The following DOK4 variants were observed in gnomAD, a reference collection of about 807,000 sequenced individuals.
DOK4 encodes the protein downstream of tyrosine kinase 4.
In DOK4, 26 loss-of-function variants were observed where a neutral mutation model predicts 40.1. That is an observed-to-expected ratio of 0.65 (90% CI 0.48 to 0.90). The LOEUF (loss-of-function observed/expected upper bound fraction) is 0.90. Ranked by LOEUF, DOK4 falls within the 40% of genes least tolerant of loss-of-function variation. DOK4 has a pLI of 0.00. For synonymous variants in DOK4, 179 were observed against 177.0 expected (o/e 1.01, Z -0.09); for missense variants, 392 against 437.2 (o/e 0.90, Z 0.92).
exon 9 of DOK4, chr16:57,472,596 C>T (rs966466310): frequency 6.6e-6 from 1 of 152,654 alleles, no homozygotes; most frequent in Non-Finnish European, 1.5e-5. Flanking sequence ...TGCGGCCTTC[C>T]CTCCTGGCCT....
chr16:57,483,473 A>G (rs2146670354), intron 1 of DOK4, among the ~76,000 whole-genome samples: 1 of 152,188 alleles, frequency 6.6e-6, no homozygotes, highest in East Asian at 1.9e-4. Flanking sequence ...TCTACAAAAA[A>G]TGAAAAAATA....
chr16:57,475,303 C>T lies in DOK4; in HGVS notation c.290-84G>A. On this transcript the variant is annotated intron_variant, in intron 4 of 8. Transcript: ENST00000340099. ...CCAGCCTGACTTATGCCACCATGCA[C>T]AGCAGGGAGGGTAAGGACAGTGGGT... 5 of 1,560,472 alleles carry T rather than the reference C, an allele frequency of 3.2e-6. 1 individual carries two copies. Among genetic ancestry groups the T allele is most frequent in the East Asian group, 2.2e-5 (1 of 44,540 alleles).
chr16:57,474,044 G>A lies in DOK4; in HGVS notation c.600-5C>T. 1 of 1,613,972 alleles carries A rather than the reference G, an allele frequency of 6.2e-7. No homozygotes were observed. The highest frequency in any genetic ancestry group is 8.5e-7 in the Non-Finnish European group (1 of 1,179,966). On this transcript the variant is annotated splice_polypyrimidine_tract_variant and splice_region_variant and intron_variant, in intron 6 of 8. Transcript: ENST00000340099. ...CCTTCCCCAGCATCACACATCCTGG[G>A]GACACAGCACAGAGGGCAAGATGGT...
Position 57,479,001 on chromosome 16 carries a change from A to C in DOK4, c.66+441T>G, listed in dbSNP as rs1009154519. 6.6e-6 allele frequency among the ~76,000 whole-genome samples: 1 copy of C among 152,188 alleles called. No individual in the cohort carries two copies. The highest frequency in any genetic ancestry group is 1.9e-4 in the East Asian group (1 of 5,196). On this transcript the variant is annotated intron_variant, in intron 2 of 8. Coordinates refer to ENST00000340099, the Ensembl canonical transcript of DOK4. This position sits in a 1 kb window ranked among gnomAD's most constrained non-coding sequence, Gnocchi z 5.8. ...AAGGGGAGAGGATGACCTAAAAGAA[A>C]AGAGGCCAGGAGAGGTGAGGGGAGG... is the stretch of plus-strand genomic sequence containing the variant.
exon 9 of DOK4, chr16:57,472,529 G>C (rs1448445772): frequency 6.5e-6 from 1 of 152,766 alleles, no homozygotes; most frequent in East Asian, 1.9e-4. Flanking sequence ...CTTGGGCATT[G>C]TCCACCCCTG....
In DOK4 at chr16:57,475,145, C is replaced by T. The variant is rs777630808; in HGVS notation, c.364G>A (p.Gly122Arg). Residue 122 changes from glycine (G) to arginine (R), a missense_variant, in exon 5 of 9, where the codon GGA becomes AGA. Coordinates refer to ENST00000340099, the Ensembl canonical transcript of DOK4. ...CCTGGGGCCAGGAGGTCAGGTTCTC[C>T]CAGACTGATGTCGTTGAGGCGGGAC... 6.9e-5 allele frequency: 111 copies of T among 1,613,900 alleles called. No individual in the cohort carries two copies. The Admixed American group carries it at 1.8e-3, about 27-fold the overall frequency.
chr16:57,479,347 G>A lies in DOK4; in HGVS notation c.66+95C>T, dbSNP rs533474144. ...CACGATGCCCGGCAGCCGGAGGGCA[G>A]CCGCGTGCCCCACGCGCCATGCCTC... On this transcript the variant is annotated intron_variant, in intron 2 of 8. Transcript: ENST00000340099. The surrounding 1 kb of genome is among the most constrained non-coding windows in gnomAD (Gnocchi z 5.8). 4.3e-6 allele frequency: 6 copies of A among 1,405,500 alleles called. No homozygotes were observed. The East Asian group carries it at 9.4e-5, about 22-fold the overall frequency. 87.1% of individuals were successfully genotyped at this position (1,405,500 alleles called of 1,614,324 possible). A position where few individuals can be genotyped will look rare whatever the true frequency, so the allele number is the denominator to read the frequency against.
At chr16:57,474,804 G>A (rs373041753) in exon 6 of DOK4, 281 of 1,613,820 alleles carry the variant, frequency 1.7e-4, no homozygotes, top group Admixed American at 2.2e-4. Context: ...GGCCAGCCTC[G>A]AAGGTAAAGC....
At position 57,479,502 on chromosome 16, in the gene DOK4, C is replaced by T. The variant is rs1182186220; in HGVS notation, c.6G>A (p.Ala2=). 13 of 1,613,464 alleles carry T rather than the reference C, an allele frequency of 8.1e-6. No homozygotes were observed. Among genetic ancestry groups the T allele is most frequent in the South Asian group, 4.4e-5 (4 of 91,026 alleles). ...GCTTGACGATGTCACTGAAATTGGT[C>T]GCCATGGTTTTCCCACCTTTTAGGG... The change falls in exon 2 of 9, where the codon GCG becomes GCA. Residue 2 remains alanine (A), a synonymous_variant. Transcript: ENST00000340099. This position sits in a 1 kb window ranked among gnomAD's most constrained non-coding sequence, Gnocchi z 5.8.
intron 1 of DOK4, chr16:57,480,365 A>G (rs2031371032): frequency 6.6e-6 from 1 of 152,280 alleles, no homozygotes. Context: ...CAGGCCCTGC[A>G]ACTCTTCCGC....
rs1394536746 is a variant in DOK4, at chr16:57,485,778, G to T, written c.-182+527C>A. ...AGGACCTTGGGGGCCAATGGAGAAAGGTTCAAGGACAGGAGGCAGCTGGCC... is the reference window on the plus strand; with the variant it reads ...AGGACCTTGGGGGCCAATGGAGAAATGTTCAAGGACAGGAGGCAGCTGGCC... On this transcript the variant is annotated intron_variant, in intron 1 of 8. Transcript: ENST00000340099. The surrounding 1 kb of genome is among the most constrained non-coding windows in gnomAD (Gnocchi z 4.3). Among the ~76,000 whole-genome samples the T allele has an allele frequency of 2.0e-5, 3 of 152,238 alleles. No homozygotes were observed. Among genetic ancestry groups the T allele is most frequent in the African/African-American group, 7.2e-5 (3 of 41,478 alleles).
At chr16:57,473,945 C>G (rs2031015218) in exon 7 of DOK4, 11 of 1,613,182 alleles carry the variant, frequency 6.8e-6, no homozygotes, top group Non-Finnish European at 9.3e-6. Flanking sequence ...TTGTGCTGCT[C>G]TGCGATGGCC....
chr16:57,485,006 C>T lies in DOK4; in HGVS notation c.-182+1299G>A, dbSNP rs1212161655. On this transcript the variant is annotated intron_variant, in intron 1 of 8. Coordinates refer to ENST00000340099, the Ensembl canonical transcript of DOK4. This position sits in a 1 kb window ranked among gnomAD's most constrained non-coding sequence, Gnocchi z 4.3. ...ATGCTCAATATTTGGGGGCTGAACA[C>T]GTAATTCTCTCCAGGACTTGTCCTC... Among the ~76,000 whole-genome samples the T allele has an allele frequency of 6.6e-6, 1 of 152,210 alleles. No individual in the cohort carries two copies.
At chr16:57,483,003 G>A (rs562813925) in intron 1 of DOK4, among the ~76,000 whole-genome samples, 5 of 152,266 alleles carry the variant, frequency 3.3e-5, no homozygotes, top group Non-Finnish European at 5.9e-5. Flanking sequence ...GGTCCCCAGC[G>A]GGAAGAGTGA....
At chr16:57,477,054 C>T (rs2031212348) in intron 2 of DOK4, among the ~76,000 whole-genome samples, 1 of 152,232 alleles carries the variant, frequency 6.6e-6, no homozygotes, top group East Asian at 1.9e-4. Context: ...CCCCAGGCAT[C>T]TCTGGTGTTC....
chr16:57,473,493 C>T lies in DOK4; in HGVS notation c.865G>A (p.Glu289Lys), dbSNP rs763581159. 4.3e-6 allele frequency: 7 copies of T among 1,614,226 alleles called. No individual in the cohort carries two copies. In the African/African-American group the frequency reaches 5.3e-5, roughly 12 times the overall value. Residue 289 changes from glutamate to lysine, a missense_variant and splice_region_variant, in exon 9 of 9, where the codon GAG becomes AAG. Physicochemically the swap from Glu to Lys is moderately conservative, Grantham distance 56 (BLOSUM62 1). Transcript: ENST00000340099. ...CTGGCCTGGGCTGCCCCATACCCCTCACCTGTGGGCACAGAAGCAGGCTCA... is the reference window on the plus strand; with the variant it reads ...CTGGCCTGGGCTGCCCCATACCCCTTACCTGTGGGCACAGAAGCAGGCTCA...
chr16:57,478,752 G>A (rs72788084), intron 2 of DOK4: 6,063 of 152,910 alleles, frequency 0.04, 148 homozygotes, highest in Middle Eastern at 0.078. Context: ...CACCAAGCAA[G>A]CACAGAGTCA....
rs1473545103 is a variant in DOK4 at position 57,479,499 on chromosome 16, G to A, written c.9C>T (p.Thr3=). The A allele has an allele frequency of 6.2e-7, 1 of 1,613,682 alleles. No individual in the cohort carries two copies. The highest frequency in any genetic ancestry group is 8.5e-7 in the Non-Finnish European group (1 of 1,179,924). The change falls in exon 2 of 9, where the codon ACC becomes ACT. Residue 3 remains threonine, a synonymous_variant. Coordinates refer to ENST00000340099, the Ensembl canonical transcript of DOK4. This position sits in a 1 kb window ranked among gnomAD's most constrained non-coding sequence, Gnocchi z 5.8. ...CTTGCTTGACGATGTCACTGAAATT[G>A]GTCGCCATGGTTTTCCCACCTTTTA...
intron 7 of DOK4, 61 bp downstream of exon 7, chr16:57,473,840 C>G: frequency 6.3e-7 from 1 of 1,598,456 alleles, no homozygotes; most frequent in South Asian, 1.1e-5. Context: ...AGGCACTTGG[C>G]CCTGCCTGCC....
Sources: allele counts gnomAD v4.1 joint callset (sites outside exome capture counted in the v4.1 genomes callset), GRCh38; gene constraint gnomAD v4.1.1; non-coding constraint Gnocchi (gnomAD v3.1); transcripts MANE v1.5; gene names NCBI Gene and HGNC (gene_info 2026-07-23, HGNC 2026-07-21).